The following GPC6 variants were observed in gnomAD, a reference collection of about 807,000 sequenced individuals.
GPC6 encodes the protein glypican 6.
A neutral mutation model predicts 55.2 loss-of-function variants in GPC6; 14 were observed. That is an observed-to-expected ratio of 0.25 (90% CI 0.17 to 0.40). The LOEUF is 0.40. Ranked by LOEUF, GPC6 falls within the 10% of genes least tolerant of loss-of-function variation. The probability of loss-of-function intolerance (pLI) is 1.00; values close to 1 mark genes in which losing one functional copy is unlikely to be tolerated. For missense variants in GPC6, 641 were observed against 708.5 expected (o/e 0.90, Z 1.08); for synonymous variants, 278 against 259.6 (o/e 1.07, Z -0.68).
intron 4 of GPC6, among the ~76,000 whole-genome samples, chr13:94,237,101 T>G (rs1289279281): frequency 6.6e-6 from 1 of 152,064 alleles, no homozygotes; most frequent in Non-Finnish European, 1.5e-5. Flanking sequence ...CTTTGCTGCC[T>G]GGGTAGCAGG....
intron 1 of GPC6, among the ~76,000 whole-genome samples, chr13:93,257,207 G>T (rs1294208625): frequency 6.6e-6 from 1 of 152,050 alleles, no homozygotes; most frequent in Non-Finnish European, 1.5e-5. Flanking sequence ...AGGCTGACGG[G>T]GAGGACTGTT....
chr13:93,545,478 T>C, intron 2 of GPC6, 57 bp downstream of exon 2: 1 of 1,374,298 alleles, frequency 7.3e-7, no homozygotes, highest in Middle Eastern at 1.8e-4. Context: ...TATGAGAATC[T>C]TGGTATCATA....
chr13:93,455,788 A>G (rs1015323726), intron 1 of GPC6, among the ~76,000 whole-genome samples: 3 of 152,098 alleles, frequency 2.0e-5, no homozygotes, highest in African/African-American at 4.8e-5. Context: ...GTTAGTCTGC[A>G]AGTATTCTCC....
At chr13:93,573,625 G>A (rs1201790279) in intron 2 of GPC6, among the ~76,000 whole-genome samples, 1 of 152,066 alleles carries the variant, frequency 6.6e-6, no homozygotes, top group African/African-American at 2.4e-5. Context: ...TGAGAAAAAA[G>A]GGTTAGGTAC....
intron 2 of GPC6, among the ~76,000 whole-genome samples, chr13:93,820,180 C>T (rs1447057794): frequency 4.6e-5 from 7 of 152,008 alleles, no homozygotes; most frequent in African/African-American, 1.7e-4. Flanking sequence ...TTAAAAATTT[C>T]TTCATGGAAA....
At chr13:94,326,238 G>C (rs1038126124) in intron 6 of GPC6, among the ~76,000 whole-genome samples, 3 of 115,094 alleles carry the variant, frequency 2.6e-5, no homozygotes, top group South Asian at 6.0e-4. Context: ...CACACACACA[G>C]GCACATATAT....
intron 2 of GPC6, among the ~76,000 whole-genome samples, chr13:93,702,907 C>T (rs1193204853): frequency 2.6e-5 from 4 of 151,894 alleles, no homozygotes; most frequent in African/African-American, 9.7e-5. Context: ...TATCCAGACC[C>T]CTAAAACTTT....
chr13:93,736,347 A>G (rs1301989425), intron 2 of GPC6, among the ~76,000 whole-genome samples: 1 of 152,242 alleles, frequency 6.6e-6, no homozygotes, highest in Non-Finnish European at 1.5e-5. Context: ...TCCATGAACT[A>G]TGAGTAATAG....
At chr13:93,228,282 G>A (rs1002007470) in intron 1 of GPC6, among the ~76,000 whole-genome samples, 3 of 152,194 alleles carry the variant, frequency 2.0e-5, no homozygotes, top group African/African-American at 4.8e-5. Context: ...GGGCTTTCCC[G>A]TTAGGGTTCC....
chr13:94,255,608 C>T (rs894106221), intron 4 of GPC6, among the ~76,000 whole-genome samples: 9 of 152,076 alleles, frequency 5.9e-5, no homozygotes, highest in African/African-American at 2.2e-4. Flanking sequence ...GATCCTTAGC[C>T]TCCTGCTCTT....
chr13:93,505,548 C>T (rs1880682065), intron 1 of GPC6, among the ~76,000 whole-genome samples: 1 of 152,128 alleles, frequency 6.6e-6, no homozygotes, highest in Non-Finnish European at 1.5e-5. Context: ...TGAAGCTTAT[C>T]TGACATGCAT....
At chr13:94,008,275 G>T (rs1022751461) in intron 3 of GPC6, among the ~76,000 whole-genome samples, 19 of 152,142 alleles carry the variant, frequency 1.2e-4, no homozygotes, top group African/African-American at 4.3e-4. Flanking sequence ...CAGAGATCCA[G>T]TACAATCATC....
intron 1 of GPC6, among the ~76,000 whole-genome samples, chr13:93,432,402 G>A (rs1877395260): frequency 6.6e-6 from 1 of 152,148 alleles, no homozygotes; most frequent in African/African-American, 2.4e-5. Flanking sequence ...TTAAGAGGAG[G>A]TGATATTTGA....
intron 1 of GPC6, among the ~76,000 whole-genome samples, chr13:93,473,934 G>A (rs1048674116): frequency 1.3e-5 from 2 of 152,106 alleles, no homozygotes; most frequent in Non-Finnish European, 2.9e-5. Flanking sequence ...CGGCTGCCTT[G>A]GGTATGTGGG....
chr13:94,058,090 A>C (rs1048105903), intron 4 of GPC6, among the ~76,000 whole-genome samples: 3 of 152,194 alleles, frequency 2.0e-5, no homozygotes, highest in Non-Finnish European at 2.9e-5. Context: ...AACCTAGACT[A>C]CTATTACAGA....
intron 6 of GPC6, among the ~76,000 whole-genome samples, chr13:94,331,861 T>A (rs1449213623): frequency 4.6e-5 from 7 of 152,204 alleles, no homozygotes; most frequent in Admixed American, 4.6e-4. Context: ...AGCATTGGAA[T>A]ATAGATATTA....
intron 2 of GPC6, among the ~76,000 whole-genome samples, chr13:93,806,163 T>C (rs1196613824): frequency 6.6e-6 from 1 of 152,192 alleles, no homozygotes; most frequent in African/African-American, 2.4e-5. Flanking sequence ...TGAGATCACT[T>C]GGAAAATAAC....
chr13:93,699,757 A>C (rs560708983), intron 2 of GPC6, among the ~76,000 whole-genome samples: 74 of 152,236 alleles, frequency 4.9e-4, no homozygotes, highest in African/African-American at 1.7e-3. Context: ...GGATATATAC[A>C]CTATAGATTT....
At chr13:93,330,072 A>C (rs948133198) in intron 1 of GPC6, among the ~76,000 whole-genome samples, 6 of 152,332 alleles carry the variant, frequency 3.9e-5, no homozygotes, top group Admixed American at 3.9e-4. Context: ...AAAGGAAGAG[A>C]AAAGCTCATA....
Sources: gnomAD v4.1 joint callset for allele counts (sites outside exome capture counted in the v4.1 genomes callset) on GRCh38, gnomAD v4.1.1 for gene constraint, MANE v1.5 for transcripts, NCBI Gene and HGNC (gene_info 2026-07-23, HGNC 2026-07-21) for gene names.